The following NUP160 variants were observed in gnomAD, a reference collection of about 807,000 sequenced individuals.
The protein encoded by NUP160 is nucleoporin 160.
A neutral mutation model predicts 196.9 loss-of-function variants in NUP160; 94 were observed. That is an observed-to-expected ratio of 0.48 (90% CI 0.40 to 0.57). The LOEUF (loss-of-function observed/expected upper bound fraction) is 0.57, where lower values mean the gene tolerates loss of function less well. Among genes scored for constraint, NUP160 ranks in the 20% least tolerant of loss-of-function variants. NUP160 has a pLI of 0.00. For synonymous variants in NUP160, 605 were observed against 619.7 expected (o/e 0.98, Z 0.35); for missense variants, 1,638 against 1,748.3 (o/e 0.94, Z 1.13).
At chr11:47,839,792 T>C (rs1255268478) in intron 4 of NUP160, 51 bp downstream of exon 4, 2 of 1,439,192 alleles carry the variant, frequency 1.4e-6, no homozygotes, top group Non-Finnish European at 2.0e-6. Context: ...ACTGTTTCAA[T>C]GTTAACATTC....
intron 13 of NUP160, among the ~76,000 whole-genome samples, chr11:47,814,261 A>G (rs899592740): frequency 2.0e-5 from 3 of 152,016 alleles, no homozygotes; most frequent in Admixed American, 6.6e-5. Context: ...AAGAGACACA[A>G]TAACTAAATA....
chr11:47,806,339 T>C, intron 19 of NUP160, 27 bp from the exon 20 acceptor site: 1 of 1,560,670 alleles, frequency 6.4e-7, no homozygotes. Context: ...TATGACAGTT[T>C]TGTGTAGTGG....
intron 2 of NUP160, among the ~76,000 whole-genome samples, chr11:47,844,291 A>G (rs1232048467): frequency 6.6e-6 from 1 of 152,146 alleles, no homozygotes; most frequent in Non-Finnish European, 1.5e-5. Context: ...CAGTCAAAGC[A>G]ATCCTTTAGA....
chr11:47,816,993 T>TA (rs1232804614), intron 11 of NUP160, among the ~76,000 whole-genome samples: 5 of 150,370 alleles, frequency 3.3e-5, no homozygotes, highest in Non-Finnish European at 5.9e-5. Context: ...TTTTTTTTTT[T>TA]AAGATAGGGT....
intron 5 of NUP160, 77 bp downstream of exon 5, chr11:47,837,468 T>C: frequency 3.6e-6 from 4 of 1,104,532 alleles, no homozygotes; most frequent in Non-Finnish European, 5.5e-6. Context: ...GGAATAAGAC[T>C]GGAAACAATA....
At chr11:47,825,613 C>T (rs1767836066) in intron 7 of NUP160, among the ~76,000 whole-genome samples, 1 of 152,026 alleles carries the variant, frequency 6.6e-6, no homozygotes, top group African/African-American at 2.4e-5. Context: ...ACTACCATGC[C>T]CAGCTAGTTT....
At position 47,816,067 on chromosome 11, in the gene NUP160, C is replaced by T. The variant is rs375543143; in HGVS notation, c.1432-38G>A. ...GACATTTTAGACTTCTATATAATAGCCAAAACTGAATGGAAAACGTTTCAG... is the reference window on the plus strand; with the variant it reads ...GACATTTTAGACTTCTATATAATAGTCAAAACTGAATGGAAAACGTTTCAG... On this transcript the variant is annotated intron_variant, in intron 11 of 35. Coordinates refer to ENST00000378460, the Ensembl canonical transcript of NUP160. 69 of 1,387,170 alleles carry T rather than the reference C, an allele frequency of 5.0e-5. 1 individual carries two copies. In the Middle Eastern group the frequency reaches 8.9e-4, roughly 18 times the overall value. 85.9% of individuals were successfully genotyped at this position (1,387,170 alleles called of 1,614,324 possible). A position where few individuals can be genotyped will look rare whatever the true frequency, so the allele number is the denominator to read the frequency against.
In NUP160 at chr11:47,811,386, G is replaced by A. The variant is rs141497401; in HGVS notation, c.2241+678C>T. 8.2e-4 allele frequency among the ~76,000 whole-genome samples: 125 copies of A among 151,582 alleles called. No homozygotes were observed. In the East Asian group the frequency reaches 0.017, roughly 21 times the overall value. ...TAGCCGGACACGGTGGCACGCACCTGTAATCCCAGCTACTCAGGAGGCTGA... is the reference window on the plus strand; with the variant it reads ...TAGCCGGACACGGTGGCACGCACCTATAATCCCAGCTACTCAGGAGGCTGA... On this transcript the variant is annotated intron_variant, in intron 17 of 35. Coordinates refer to ENST00000378460, the Ensembl canonical transcript of NUP160.
intron 7 of NUP160, among the ~76,000 whole-genome samples, chr11:47,826,685 C>A (rs1403097586): frequency 6.6e-6 from 1 of 151,848 alleles, no homozygotes; most frequent in Non-Finnish European, 1.5e-5. Context: ...GCCTCAGTCT[C>A]CCGAGTAGCT....
chr11:47,800,422 T>G (rs1200667060), intron 23 of NUP160, among the ~76,000 whole-genome samples: 1 of 150,936 alleles, frequency 6.6e-6, no homozygotes, highest in Non-Finnish European at 1.5e-5. Flanking sequence ...TGGAGTCTTG[T>G]TTTGTCATCC....
At chr11:47,811,750 T>C (rs975994941) in intron 17 of NUP160, among the ~76,000 whole-genome samples, 6 of 152,138 alleles carry the variant, frequency 3.9e-5, no homozygotes, top group Non-Finnish European at 8.8e-5. Flanking sequence ...TGTGCCATGA[T>C]GGTTTGCTGC....
intron 11 of NUP160, 25 bp downstream of exon 11, chr11:47,818,027 TAAAC>T (rs1565200592): frequency 7.6e-6 from 11 of 1,442,994 alleles, no homozygotes; most frequent in South Asian, 3.5e-5. Context: ...GAAATAGTCT[TAAAC>T]AAACAGTAAA....
chr11:47,796,177 G>C (rs1175122191), intron 27 of NUP160: 10 of 265,614 alleles, frequency 3.8e-5, no homozygotes, highest in Non-Finnish European at 5.5e-5. Flanking sequence ...AAAAAAAGGA[G>C]CAGCTGCGGA....
In NUP160 at chr11:47,840,606, T is replaced by C; in HGVS notation, c.315-18A>G. The C allele has an allele frequency of 6.5e-7, 1 of 1,547,688 alleles. No homozygotes were observed. The highest frequency in any genetic ancestry group is 1.9e-5 in the Admixed American group (1 of 52,638). On this transcript the variant is annotated intron_variant, in intron 2 of 35. Coordinates refer to ENST00000378460, the Ensembl canonical transcript of NUP160. ...AGGTCTTCCTGTTGAAAAAGAGACA[T>C]TTGTTTGAAAAGTTTATGCTTTTCT...
chr11:47,781,708 T>C (rs2097660951), intron 34 of NUP160, among the ~76,000 whole-genome samples: 2 of 152,154 alleles, frequency 1.3e-5, no homozygotes, highest in Non-Finnish European at 2.9e-5. Context: ...CATTCCTTCA[T>C]AAGGCTGCTA....
chr11:47,834,376 T>C (rs1356982877), intron 7 of NUP160, among the ~76,000 whole-genome samples: 2 of 151,946 alleles, frequency 1.3e-5, no homozygotes, highest in East Asian at 3.9e-4. Context: ...CAGAGAAGAG[T>C]ATACTTAGAG....
At chr11:47,843,279 G>A (rs1449559314) in intron 2 of NUP160, among the ~76,000 whole-genome samples, 3 of 151,958 alleles carry the variant, frequency 2.0e-5, no homozygotes, top group South Asian at 2.1e-4. Context: ...GCTTTTGTAC[G>A]ACTACTGCAG....
exon 36 of NUP160, chr11:47,779,014 C>T (rs764795669): frequency 2.1e-5 from 18 of 860,702 alleles, no homozygotes; most frequent in African/African-American, 5.0e-5. Context: ...TTTACAGTTA[C>T]AAAAATCGGC....
intron 4 of NUP160, among the ~76,000 whole-genome samples, chr11:47,837,872 G>A (rs1852206697): frequency 6.6e-6 from 1 of 152,104 alleles, no homozygotes. Flanking sequence ...AACCCATATT[G>A]CCACCCGGCA....
Sources: gnomAD v4.1 joint callset for allele counts (sites outside exome capture counted in the v4.1 genomes callset) on GRCh38, gnomAD v4.1.1 for gene constraint, MANE v1.5 for transcripts, NCBI Gene and HGNC (gene_info 2026-07-23, HGNC 2026-07-21) for gene names.